The following GJC3 variants were observed in gnomAD, a reference collection of about 807,000 sequenced individuals.
GJC3 encodes gap junction gamma-3 protein.
A neutral mutation model predicts 19.8 loss-of-function variants in GJC3; 17 were observed. That is an observed-to-expected ratio of 0.86 (90% CI 0.59 to 1.29). The LOEUF is 1.29. Ranked by LOEUF, GJC3 falls within the 50% of genes most tolerant of loss-of-function variation. The pLI is 0.00. For synonymous variants in GJC3, 140 were observed against 136.5 expected, an observed-to-expected ratio of 1.03 and a Z score of -0.18; for missense variants, 317 against 332.5, an observed-to-expected ratio of 0.95 and a Z score of 0.36.
At position 99,929,380 on chromosome 7, in the gene GJC3, C is replaced by T. The variant is rs750815167; in HGVS notation, c.241G>A (p.Val81Ile). The change falls in exon 1 of 2, where the codon GTC (valine) becomes ATC (isoleucine). Residue 81 changes from valine to isoleucine, a missense_variant. By Grantham distance (29) the Val-to-Ile change is conservative (BLOSUM62 3). Coordinates refer to ENST00000312891, the MANE Select transcript of GJC3 (RefSeq NM_181538.3). ...LSPLRFWVFQVILVAVPSALY... is the reference protein window; with the variant it reads ...LSPLRFWVFQIILVAVPSALY... ...GCGCTGGGTACAGCCACCAAGATGACCTGGAAGACCCAGAAACGCAGCGGG... is the reference window on the plus strand; with the variant it reads ...GCGCTGGGTACAGCCACCAAGATGATCTGGAAGACCCAGAAACGCAGCGGG... 2.5e-6 allele frequency: 4 copies of T among 1,614,200 alleles called. No individual in the cohort carries two copies. In the South Asian group the frequency reaches 4.4e-5, roughly 18 times the overall value.
Position 99,923,435 on chromosome 7 carries a change from C to G in GJC3, c.*110G>C. On this transcript the variant is annotated 3_prime_UTR_variant, in exon 2 of 2. Transcript: ENST00000312891. The stretch of plus-strand genomic sequence containing the variant: ...GTCAAGGCAGCGCAGTCCCAGTTGT[C>G]GGTTATGCTGCTACATATGTCACAT... 1.3e-6 allele frequency: 1 copy of G among 773,274 alleles called. No homozygotes were observed. Among genetic ancestry groups the G allele is most frequent in the South Asian group, 1.4e-5 (1 of 73,806 alleles). 47.9% of individuals were successfully genotyped at this position (773,274 alleles called of 1,614,324 possible).
chr7:99,928,658 G>A (rs78696567), intron 1 of GJC3, among the ~76,000 whole-genome samples, 182 bp downstream of exon 1: 1 of 152,236 alleles, frequency 6.6e-6, no homozygotes, highest in Admixed American at 6.5e-5. Flanking sequence ...GATAGATTTT[G>A]AGAGCAAGAG....
rs1407684546 is a variant in GJC3, at chr7:99,929,604, A to G, written c.17T>C (p.Leu6Pro). The stretch of plus-strand genomic sequence containing the variant: ...GCTCTCCTCCGCCAGCAGCCGCCGC[A>G]GGAACCTGCCACACATCCTGTTTTG... The part of the protein sequence containing the change: MCGRF[L>P]RRLLAEESRR... The change falls in exon 1 of 2, where the codon CTG becomes CCG. Residue 6 changes from leucine to proline, a missense_variant. Transcript: ENST00000312891. The G allele has an allele frequency of 1.2e-6, 2 of 1,608,174 alleles. No homozygotes were observed. The highest frequency in any genetic ancestry group is 1.7e-6 in the Non-Finnish European group (2 of 1,179,208).
rs578087515 is a variant in GJC3 at position 99,928,728 on chromosome 7, C to T, written c.781+112G>A. ...ACACATCTGCCTAGAACCTGGTTAC[C>T]TACTTTGTAACATGCAGAAGTTGTA... On this transcript the variant is annotated intron_variant, in intron 1 of 1. Transcript: ENST00000312891. 32 of 998,560 alleles carry T rather than the reference C, an allele frequency of 3.2e-5. No homozygotes were observed. The South Asian group carries it at 4.2e-4, about 13-fold the overall frequency. The allele number at this position is 998,560 out of a possible 1,614,324, so 61.9% of individuals were successfully genotyped here.
At chr7:99,928,528 A>C (rs1368406917) in intron 1 of GJC3, among the ~76,000 whole-genome samples, 3 of 152,230 alleles carry the variant, frequency 2.0e-5, no homozygotes, top group African/African-American at 7.2e-5. Flanking sequence ...AATCAAGAAG[A>C]AGCTGAGATT....
chr7:99,929,190 C>A lies in GJC3; in HGVS notation c.431G>T (p.Arg144Leu). The A allele has an allele frequency of 1.2e-6, 2 of 1,613,974 alleles. No homozygotes were observed. Among genetic ancestry groups the A allele is most frequent in the Non-Finnish European group, 1.7e-6 (2 of 1,179,896 alleles). Reference protein sequence around the residue: ...LWAYVAQLGARLVLEGAALGL... With the variant: ...LWAYVAQLGALLVLEGAALGL... ...CAGGGCTGCCCCCTCCAGGACAAGCCGAGCCCCCAGCTGAGCCACATAAGC... is the reference window on the plus strand; with the variant it reads ...CAGGGCTGCCCCCTCCAGGACAAGCAGAGCCCCCAGCTGAGCCACATAAGC... Residue 144 changes from arginine to leucine, a missense_variant, in exon 1 of 2, where the codon CGG becomes CTG. Arg to Leu is a moderately radical substitution (Grantham distance 102, BLOSUM62 -2). Transcript: ENST00000312891.
chr7:99,923,560 T>C lies in GJC3; in HGVS notation c.825A>G (p.Gly275=). 1.3e-6 allele frequency: 1 copy of C among 781,006 alleles called. No individual in the cohort carries two copies. The highest frequency in any genetic ancestry group is 2.4e-6 in the Non-Finnish European group (1 of 418,110). The allele number at this position is 781,006 out of a possible 1,614,324, so 48.4% of individuals were successfully genotyped here. A position where few individuals can be genotyped will look rare whatever the true frequency, so the allele number is the denominator to read the frequency against. ...CATCTCCAACTCAGGCATCTCTGGG[T>C]CCAACTGGTCTTTGTTTTTCCTGGG... The part of the protein sequence containing the change: ...SLAQEKQRPV[G]PRDA The change falls in exon 2 of 2, where the codon GGA becomes GGG. Residue 275 remains glycine, a synonymous_variant. Coordinates refer to ENST00000312891, the MANE Select transcript of GJC3 (RefSeq NM_181538.3).
chr7:99,930,427 G>A (rs909527366), upstream of GJC3, among the ~76,000 whole-genome samples: 1 of 152,074 alleles, frequency 6.6e-6, no homozygotes, highest in African/African-American at 2.4e-5. Flanking sequence ...TTGTTCCTTG[G>A]GCATATTATC....
rs115480274 is a variant in GJC3, at chr7:99,929,051, A to G, written c.570T>C (p.Ile190=). The G allele has an allele frequency of 4.5e-5, 72 of 1,614,208 alleles. No homozygotes were observed. The African/African-American group carries it at 9.3e-4, about 21-fold the overall frequency. Residue 190 remains isoleucine, a synonymous_variant, in exon 1 of 2, where the codon ATT becomes ATC. Transcript: ENST00000312891. ...CNLSRPSEKT[I]FLKTMFGVSG... Reference sequence around the variant, plus strand: ...TGACTCCAAACATGGTCTTTAGGAAAATGGTCTTCTCAGAGGGGCGGGACA... The same window carrying G: ...TGACTCCAAACATGGTCTTTAGGAAGATGGTCTTCTCAGAGGGGCGGGACA...
rs906493895 is a variant in GJC3 at position 99,929,567 on chromosome 7, GGTGGAGCGCC to G, written c.44_53del (p.Arg15ProfsTer82). 3 of 1,612,242 alleles carry G rather than the reference GGTGGAGCGCC, an allele frequency of 1.9e-6. No homozygotes were observed. In the African/African-American group the frequency reaches 4.0e-5, roughly 22 times the overall value. ...CGGGAAGCAAGAGGCGCCCCACGGG[GGTGGAGCGCC>G]GGCTCTCCTCCGCCAGCAGCCGCCG... On this transcript the variant is annotated frameshift_variant, in exon 1 of 2. Coordinates refer to ENST00000312891, the MANE Select transcript of GJC3 (RefSeq NM_181538.3). LOFTEE classifies it high-confidence loss of function.
upstream of GJC3, chr7:99,929,760 T>A (rs1329622514): frequency 1.1e-5 from 8 of 748,532 alleles, no homozygotes; most frequent in Non-Finnish European, 1.8e-5. Context: ...ACTGATTAAA[T>A]ACCAAGACTC....
chr7:99,928,659 A>G (rs1819844703), intron 1 of GJC3, among the ~76,000 whole-genome samples, 181 bp downstream of exon 1: 1 of 152,222 alleles, frequency 6.6e-6, no homozygotes, highest in African/African-American at 2.4e-5. Flanking sequence ...ATAGATTTTG[A>G]GAGCAAGAGA....
Position 99,928,829 on chromosome 7 carries a change from GTCCT to G in GJC3, c.781+7_781+10del. The G allele has an allele frequency of 6.2e-7, 1 of 1,613,306 alleles. No individual in the cohort carries two copies. Among genetic ancestry groups the G allele is most frequent in the Non-Finnish European group, 8.5e-7 (1 of 1,179,224 alleles). On this transcript the variant is annotated splice_region_variant and intron_variant, in intron 1 of 1. Coordinates refer to ENST00000312891, the MANE Select transcript of GJC3 (RefSeq NM_181538.3). Reference sequence around the variant, plus strand: ...AACATCAGTGACAGGAAGAGAGCGTGTCCTTCTCACCTGCTTCTTGAAATTGCTC... The same window carrying G: ...AACATCAGTGACAGGAAGAGAGCGTGTCTCACCTGCTTCTTGAAATTGCTC...
upstream of GJC3, among the ~76,000 whole-genome samples, chr7:99,930,224 G>A (rs1331423767): frequency 1.3e-5 from 2 of 152,212 alleles, no homozygotes; most frequent in East Asian, 3.8e-4. Context: ...GGGGCTAGAT[G>A]TGATGGATGA....
intron 1 of GJC3, among the ~76,000 whole-genome samples, chr7:99,925,114 C>A (rs1435944404): frequency 6.6e-6 from 1 of 152,034 alleles, no homozygotes; most frequent in Non-Finnish European, 1.5e-5. Flanking sequence ...TGATTACAGT[C>A]AAAAATAATT....
At chr7:99,923,724 A>G in intron 1 of GJC3, 121 bp from the exon 2 acceptor site, 1 of 705,720 alleles carries the variant, frequency 1.4e-6, no homozygotes, top group East Asian at 2.7e-5. Context: ...GACCTATCAG[A>G]AGAGTACTAC....
chr7:99,927,545 T>C (rs905236789), intron 1 of GJC3, among the ~76,000 whole-genome samples: 2 of 151,752 alleles, frequency 1.3e-5, no homozygotes, highest in African/African-American at 4.9e-5. Flanking sequence ...TTGGGGATAA[T>C]TTGGGATTCA....
At chr7:99,928,267 G>A (rs1319509758) in intron 1 of GJC3, among the ~76,000 whole-genome samples, 1 of 152,240 alleles carries the variant, frequency 6.6e-6, no homozygotes, top group Non-Finnish European at 1.5e-5. Context: ...ACACAGTTTA[G>A]GGAGGCTTCT....
Position 99,929,017 on chromosome 7 carries a change from A to G in GJC3, c.604T>C (p.Cys202Arg), listed in dbSNP as rs1207382892. 29 of 1,614,256 alleles carry G rather than the reference A, an allele frequency of 1.8e-5. No homozygotes were observed. The highest frequency in any genetic ancestry group is 2.4e-5 in the Non-Finnish European group (28 of 1,180,048). The change falls in exon 1 of 2, where the codon TGT (cysteine) becomes CGT (arginine). Residue 202 changes from cysteine to arginine, a missense_variant. Transcript: ENST00000312891. The stretch of plus-strand genomic sequence containing the variant: ...AGCTCCAAAAAAGTAAACAAGAGAC[A>G]GAAACCGCTGACTCCAAACATGGTC... ...LKTMFGVSGF[C>R]LLFTFLELVL...
Sources: allele counts gnomAD v4.1 joint callset (sites outside exome capture counted in the v4.1 genomes callset), GRCh38; gene constraint gnomAD v4.1.1; transcripts MANE v1.5; gene names NCBI Gene and HGNC (gene_info 2026-07-23, HGNC 2026-07-21).